Variants in SOX5 observed in about 807,000 individuals in gnomAD.
The protein encoded by SOX5 is transcription factor SOX-5.
Under a neutral mutation model 92.0 loss-of-function variants are expected in SOX5, and 9 were observed. That is an observed-to-expected ratio of 0.10 (90% CI 0.06 to 0.17). SOX5 has a LOEUF of 0.17. Ranked by LOEUF, SOX5 falls within the 10% of genes least tolerant of loss-of-function variation. The pLI, the probability that SOX5 is intolerant of heterozygous loss-of-function variation, is 1.00. For synonymous variants in SOX5, 344 were observed against 336.3 expected (o/e 1.02, Z -0.25); for missense variants, 642 against 944.5 (o/e 0.68, Z 4.20).
chr12:24,355,572 G>A (rs184950218), intron 2 of SOX5, among the ~76,000 whole-genome samples: 1 of 152,114 alleles, frequency 6.6e-6, no homozygotes, highest in East Asian at 1.9e-4. Context: ...GGCCCACTGT[G>A]TTTAATATGC....
At chr12:23,973,504 T>C (rs1256883126) in intron 4 of SOX5, among the ~76,000 whole-genome samples, 1 of 152,188 alleles carries the variant, frequency 6.6e-6, no homozygotes, top group African/African-American at 2.4e-5. Flanking sequence ...GAAGCCACTG[T>C]ATATATACAA....
chr12:24,258,771 T>C (rs367783907), intron 3 of SOX5, among the ~76,000 whole-genome samples: 6 of 152,232 alleles, frequency 3.9e-5, no homozygotes, highest in African/African-American at 1.2e-4. Context: ...ATAACATATA[T>C]TGAAGTCTAG....
chr12:23,796,000 C>T (rs1407327620), intron 3 of SOX5, among the ~76,000 whole-genome samples: 8 of 152,094 alleles, frequency 5.3e-5, no homozygotes, highest in Admixed American at 5.3e-4. Context: ...CTGAAACCTG[C>T]CTGATGTGCA....
Position 23,973,931 on chromosome 12 carries a change from A to G in SOX5, c.-1-77907T>C, listed in dbSNP as rs779106662. Among the ~76,000 whole-genome samples, 89 of 152,200 alleles carry G rather than the reference A, an allele frequency of 5.8e-4. 2 individuals carry two copies. The highest frequency in any genetic ancestry group is 4.4e-4 in the Non-Finnish European group (30 of 68,030). On this transcript the variant is annotated intron_variant, in intron 4 of 4. Coordinates refer to the SOX5 transcript ENST00000446891. ...AGTGGAACAGTTTCATCCTGAAACC[A>G]TCCCCACTCCCTGCCTGTGCCTGAA...
In SOX5 at chr12:24,071,498, G is replaced by A. The variant is rs926425503; in HGVS notation, c.-2+141845C>T. Among the ~76,000 whole-genome samples the A allele has an allele frequency of 3.9e-5, 6 of 152,198 alleles. No homozygotes were observed. The East Asian group carries it at 7.7e-4, about 20-fold the overall frequency. ...TGCCCAAGCTGGAGTGCAGTGGCGC[G>A]ATCTCGGCTCACTGCAAGCTCTGCC... On this transcript the variant is annotated intron_variant, in intron 4 of 4. Coordinates refer to the SOX5 transcript ENST00000446891.
chr12:23,588,335 T>G (rs1042298468), intron 9 of SOX5, among the ~76,000 whole-genome samples: 3 of 152,030 alleles, frequency 2.0e-5, no homozygotes, highest in Non-Finnish European at 4.4e-5. Context: ...TCTCACAGAA[T>G]AATGATTCTT....
intron 2 of SOX5, among the ~76,000 whole-genome samples, chr12:24,344,905 C>A (rs761444563): frequency 6.6e-5 from 10 of 152,098 alleles, no homozygotes; most frequent in Non-Finnish European, 1.3e-4. Context: ...AAAAAGGAAG[C>A]CTGGGCTGCT....
intron 3 of SOX5, among the ~76,000 whole-genome samples, chr12:23,761,342 A>T (rs1461454829): frequency 6.6e-6 from 1 of 152,162 alleles, no homozygotes; most frequent in African/African-American, 2.4e-5. Context: ...AAATCTAATT[A>T]ACACTAAACA....
intron 4 of SOX5, among the ~76,000 whole-genome samples, chr12:24,120,942 T>G (rs1052907531): frequency 7.9e-5 from 12 of 152,214 alleles, no homozygotes; most frequent in African/African-American, 2.9e-4. Context: ...ACAGTCCTTG[T>G]GGTTGATGCA....
chr12:24,061,325 A>G (rs756027240), intron 4 of SOX5, among the ~76,000 whole-genome samples: 5 of 152,058 alleles, frequency 3.3e-5, no homozygotes, highest in Admixed American at 1.3e-4. Flanking sequence ...CTTTCTTCCA[A>G]GCTAATCTTA....
intron 1 of SOX5, among the ~76,000 whole-genome samples, chr12:24,425,608 A>C (rs1011637916): frequency 6.6e-6 from 1 of 152,276 alleles, no homozygotes; most frequent in African/African-American, 2.4e-5. Context: ...CCATTCTTTA[A>C]AATGAGTTTA....
chr12:24,553,603 T>A (rs2138986251), intron 1 of SOX5, among the ~76,000 whole-genome samples: 1 of 152,382 alleles, frequency 6.6e-6, no homozygotes, highest in South Asian at 2.1e-4. Context: ...AAATGTTTTA[T>A]GTCACCCTAT....
chr12:23,728,623 C>T (rs982659184), intron 6 of SOX5, among the ~76,000 whole-genome samples: 5 of 152,078 alleles, frequency 3.3e-5, no homozygotes, highest in African/African-American at 1.2e-4. Flanking sequence ...ACTTTGGTGC[C>T]AATAAAATGA....
chr12:23,994,060 G>A (rs1950819118), intron 4 of SOX5, among the ~76,000 whole-genome samples: 1 of 151,948 alleles, frequency 6.6e-6, no homozygotes, highest in Non-Finnish European at 1.5e-5. Flanking sequence ...GCTGCAATGA[G>A]CCATGATCAC....
At chr12:24,389,797 C>A (rs1958803924) in intron 1 of SOX5, among the ~76,000 whole-genome samples, 1 of 152,154 alleles carries the variant, frequency 6.6e-6, no homozygotes, top group Non-Finnish European at 1.5e-5. Context: ...GAAGGAGCTG[C>A]CTGACTGTTT....
chr12:23,544,862 G>A (rs1256115943), intron 12 of SOX5, among the ~76,000 whole-genome samples: 1 of 152,156 alleles, frequency 6.6e-6, no homozygotes, highest in Non-Finnish European at 1.5e-5. Flanking sequence ...TTTGTAACTA[G>A]CAAGTGATCA....
chr12:24,542,444 T>C (rs1180070494), intron 1 of SOX5, among the ~76,000 whole-genome samples: 1 of 152,188 alleles, frequency 6.6e-6, no homozygotes, highest in Non-Finnish European at 1.5e-5. Context: ...CACTTATCAC[T>C]ATACATATTT....
intron 2 of SOX5, among the ~76,000 whole-genome samples, chr12:24,337,340 CTT>C (rs201383125): frequency 3.5e-5 from 5 of 143,204 alleles, no homozygotes; most frequent in Admixed American, 7.0e-5. Flanking sequence ...TCTGATTTTT[CTT>C]TTTTTTTTTT....
At chr12:24,116,379 T>C (rs947370922) in intron 4 of SOX5, among the ~76,000 whole-genome samples, 1 of 152,138 alleles carries the variant, frequency 6.6e-6, no homozygotes, top group Non-Finnish European at 1.5e-5. Flanking sequence ...ATAGCAATAA[T>C]CTTATTAATG....
Sources: gnomAD v4.1 joint callset for allele counts (sites outside exome capture counted in the v4.1 genomes callset) on GRCh38, gnomAD v4.1.1 for gene constraint, MANE v1.5 for transcripts, NCBI Gene and HGNC (gene_info 2026-07-23, HGNC 2026-07-21) for gene names.